The following HERPUD2 variants were observed in gnomAD, a reference collection of about 807,000 sequenced individuals.
HERPUD2 encodes the protein HERPUD family member 2.
A neutral mutation model predicts 49.9 loss-of-function variants in HERPUD2; 13 were observed. The ratio of observed to expected loss-of-function variants is 0.26; its 90% CI spans 0.17 to 0.41. The LOEUF is 0.41. HERPUD2 is among the 10% of genes least tolerant of loss of function. HERPUD2 has a pLI of 1.00. For missense variants in HERPUD2, 449 were observed against 492.2 expected (o/e 0.91, Z 0.83); for synonymous variants, 172 against 171.4 (o/e 1.00, Z -0.03).
chr7:35,633,612 A>AT lies in HERPUD2; in HGVS notation c.*77dup, dbSNP rs1187072352. On this transcript the variant is annotated 3_prime_UTR_variant, in exon 9 of 9. Transcript: ENST00000311350. Reference sequence around the variant, plus strand: ...CATGATGATCAAAAGAAAGTTATAAATTTTTTTGAAATTGCACTGTTATTT... The same window carrying AT: ...CATGATGATCAAAAGAAAGTTATAAATTTTTTTTGAAATTGCACTGTTATTT... 3 of 1,310,936 alleles carry AT rather than the reference A, an allele frequency of 2.3e-6. No homozygotes were observed. The African/African-American group carries it at 4.5e-5, about 19-fold the overall frequency. The allele number at this position is 1,310,936 out of a possible 1,614,324, so 81.2% of individuals were successfully genotyped here.
At chr7:35,642,937 C>T (rs1784989480) in intron 5 of HERPUD2, among the ~76,000 whole-genome samples, 1 of 152,140 alleles carries the variant, frequency 6.6e-6, no homozygotes, top group Non-Finnish European at 1.5e-5. Context: ...CAAATCTGAC[C>T]GTGTACCCGT....
intron 5 of HERPUD2, among the ~76,000 whole-genome samples, chr7:35,655,080 T>C (rs1785245775): frequency 6.6e-6 from 1 of 152,108 alleles, no homozygotes; most frequent in African/African-American, 2.4e-5. Flanking sequence ...TCAAAACTTC[T>C]GGCCTCAAGC....
chr7:35,673,543 T>C (rs1288592010), intron 2 of HERPUD2, among the ~76,000 whole-genome samples: 1 of 152,100 alleles, frequency 6.6e-6, no homozygotes, highest in African/African-American at 2.4e-5. Flanking sequence ...GGGGAACAGG[T>C]AGATAAATTG....
At chr7:35,675,524 AATAG>A (rs144594286) in intron 2 of HERPUD2, among the ~76,000 whole-genome samples, 1,862 of 151,828 alleles carry the variant, frequency 0.012, 37 homozygotes, top group African/African-American at 0.042. Flanking sequence ...ACATTTAATA[AATAG>A]ATACTTTTAC....
intron 5 of HERPUD2, among the ~76,000 whole-genome samples, chr7:35,655,647 T>C (rs114124797): frequency 6.6e-6 from 1 of 152,080 alleles, no homozygotes; most frequent in Non-Finnish European, 1.5e-5. Context: ...GGATCCCCAC[T>C]TTCACCAGTC....
intron 5 of HERPUD2, among the ~76,000 whole-genome samples, chr7:35,643,993 A>C (rs1433574818): frequency 6.6e-6 from 1 of 152,092 alleles, no homozygotes. Flanking sequence ...GATCTTACAA[A>C]AGCGGAAATA....
At chr7:35,641,254 T>C (rs576208259) in intron 5 of HERPUD2, among the ~76,000 whole-genome samples, 76 of 152,324 alleles carry the variant, frequency 5.0e-4, no homozygotes, top group African/African-American at 1.8e-3. Flanking sequence ...CCTAACTCTT[T>C]GATTGCTAGT....
At chr7:35,642,816 G>A (rs1278806371) in intron 5 of HERPUD2, among the ~76,000 whole-genome samples, 1 of 152,146 alleles carries the variant, frequency 6.6e-6, no homozygotes, top group African/African-American at 2.4e-5. Context: ...AGAGTGGAGG[G>A]TGGGAGGAGG....
At chr7:35,636,375 T>C (rs944236373) in intron 6 of HERPUD2, among the ~76,000 whole-genome samples, 128 of 152,360 alleles carry the variant, frequency 8.4e-4, no homozygotes, top group African/African-American at 3.0e-3. Flanking sequence ...TGTACCTGTA[T>C]AGGGCTTTTT....
chr7:35,677,614 T>C (rs1785794511), intron 2 of HERPUD2, among the ~76,000 whole-genome samples: 1 of 152,180 alleles, frequency 6.6e-6, no homozygotes, highest in East Asian at 1.9e-4. Flanking sequence ...AAGGAAGAAA[T>C]AGGACAATAG....
At chr7:35,648,080 A>G (rs1455018225) in intron 5 of HERPUD2, among the ~76,000 whole-genome samples, 1 of 152,200 alleles carries the variant, frequency 6.6e-6, no homozygotes, top group Non-Finnish European at 1.5e-5. Flanking sequence ...ATATCTGTAC[A>G]AGTAAAGAGA....
At chr7:35,662,432 T>C (rs533822587) in intron 5 of HERPUD2, among the ~76,000 whole-genome samples, 2 of 152,220 alleles carry the variant, frequency 1.3e-5, no homozygotes, top group Non-Finnish European at 2.9e-5. Flanking sequence ...TTGATTGGAA[T>C]AGTTTCAGAA....
intron 2 of HERPUD2, among the ~76,000 whole-genome samples, chr7:35,686,903 T>G (rs961270348): frequency 2.0e-4 from 26 of 130,256 alleles, no homozygotes; most frequent in Non-Finnish European, 6.3e-5. Flanking sequence ...CCGTCTCTAC[T>G]GAAAATACAG....
intron 5 of HERPUD2, among the ~76,000 whole-genome samples, chr7:35,641,493 CA>C (rs1562668603): frequency 6.6e-6 from 1 of 151,962 alleles, no homozygotes; most frequent in Admixed American, 6.6e-5. Context: ...CTTATGGAAC[CA>C]AAAAAGAGCC....
At chr7:35,694,160 T>A (rs2116071763) in intron 2 of HERPUD2, 24 bp downstream of exon 2, 2 of 1,613,840 alleles carry the variant, frequency 1.2e-6, no homozygotes, top group Non-Finnish European at 8.5e-7. Flanking sequence ...TCAGAGCAGC[T>A]GCCCCCAGCT....
chr7:35,685,675 T>C (rs1441472514), intron 2 of HERPUD2, among the ~76,000 whole-genome samples: 3 of 152,154 alleles, frequency 2.0e-5, no homozygotes, highest in East Asian at 1.9e-4. Flanking sequence ...TAAATATCAA[T>C]GAATTTAATT....
At position 35,633,753 on chromosome 7, in the gene HERPUD2, C is replaced by A. The variant is rs754347263; in HGVS notation, c.1158G>T (p.Trp386Cys). The A allele has an allele frequency of 1.2e-5, 19 of 1,613,856 alleles. No homozygotes were observed. The highest frequency in any genetic ancestry group is 8.3e-5 in the Admixed American group (5 of 59,998). Residue 386 changes from tryptophan to cysteine, a missense_variant, in exon 9 of 9, where the codon TGG becomes TGT. Trp to Cys is a radical substitution (Grantham distance 215, BLOSUM62 -2). Transcript: ENST00000311350. The stretch of plus-strand genomic sequence containing the variant: ...AAGTAAAGAAGGTGGTGATGAAAGA[C>A]CAAGCTGAAGCCATTAATCCAGGCC... ...IQRPGLMASA[W>C]SFITTFFTSL...
At position 35,633,664 on chromosome 7, in the gene HERPUD2, C is replaced by T. The variant is rs1037142053; in HGVS notation, c.*26G>A. The T allele has an allele frequency of 2.5e-6, 4 of 1,605,196 alleles. No individual in the cohort carries two copies. The African/African-American group carries it at 5.4e-5, about 22-fold the overall frequency. On this transcript the variant is annotated 3_prime_UTR_variant, in exon 9 of 9. Coordinates refer to ENST00000311350, the MANE Select transcript of HERPUD2 (RefSeq NM_022373.5). Reference sequence around the variant, plus strand: ...AACCACTTTCCTGAAGTCAGACCCTCCTTGTAGCTGGCACAGTTTTTCAGG... The same window carrying T: ...AACCACTTTCCTGAAGTCAGACCCTTCTTGTAGCTGGCACAGTTTTTCAGG...
intron 5 of HERPUD2, among the ~76,000 whole-genome samples, chr7:35,640,629 T>C (rs191000570): frequency 5.2e-4 from 79 of 152,324 alleles, no homozygotes; most frequent in Non-Finnish European, 9.6e-4. Context: ...GGACATACTA[T>C]AATTTTCAGT....
Sources: gnomAD v4.1 joint callset for allele counts (sites outside exome capture counted in the v4.1 genomes callset) on GRCh38, gnomAD v4.1.1 for gene constraint, MANE v1.5 for transcripts, NCBI Gene and HGNC (gene_info 2026-07-23, HGNC 2026-07-21) for gene names.